The following MGMT variants were observed in gnomAD, a reference collection of about 807,000 sequenced individuals.
MGMT encodes the protein O-6-methylguanine-DNA methyltransferase.
Under a neutral mutation model 15.9 loss-of-function variants are expected in MGMT, and 14 were observed. The ratio of observed to expected loss-of-function variants is 0.88; its 90% CI spans 0.58 to 1.37. MGMT has a LOEUF of 1.37. Among genes scored for constraint, MGMT ranks in the 40% most tolerant of loss-of-function variants. The probability of loss-of-function intolerance (pLI) is 0.00; values close to 1 mark genes in which losing one functional copy is unlikely to be tolerated. For synonymous variants in MGMT, 130 were observed against 118.2 expected, an observed-to-expected ratio of 1.10 and a Z score of -0.65; for missense variants, 282 against 268.1, an observed-to-expected ratio of 1.05 and a Z score of -0.36.
chr10:129,605,936 T>G (rs906718373), intron 2 of MGMT, among the ~76,000 whole-genome samples: 1 of 152,090 alleles, frequency 6.6e-6, no homozygotes, highest in Non-Finnish European at 1.5e-5. Context: ...TTATTTATGC[T>G]CCAATGTTGC....
chr10:129,571,560 C>T (rs891257367), intron 2 of MGMT, among the ~76,000 whole-genome samples: 13 of 152,082 alleles, frequency 8.5e-5, no homozygotes, highest in African/African-American at 3.1e-4. Flanking sequence ...TCATTTTGTT[C>T]TGGTATGAAA....
At chr10:129,517,123 G>C (rs1466891901) in intron 1 of MGMT, among the ~76,000 whole-genome samples, 1 of 152,172 alleles carries the variant, frequency 6.6e-6, no homozygotes, top group African/African-American at 2.4e-5. Flanking sequence ...GAAGGCCTTA[G>C]GGACACCTTA....
intron 2 of MGMT, chr10:129,702,166 A>C (rs1054303432): frequency 2.0e-5 from 3 of 152,156 alleles, no homozygotes; most frequent in African/African-American, 7.2e-5. Context: ...CAGCCCCGGG[A>C]GCTTCTACCC....
At chr10:129,604,065 G>A (rs1846857222) in intron 2 of MGMT, among the ~76,000 whole-genome samples, 1 of 152,154 alleles carries the variant, frequency 6.6e-6, no homozygotes. Context: ...TACATTTGTA[G>A]CTTGATATTT....
intron 2 of MGMT, among the ~76,000 whole-genome samples, chr10:129,664,604 A>T (rs1847636237): frequency 6.6e-6 from 1 of 152,238 alleles, no homozygotes; most frequent in African/African-American, 2.4e-5. Context: ...TATTTTCAAA[A>T]TACCATGCAC....
intron 2 of MGMT, among the ~76,000 whole-genome samples, chr10:129,685,183 C>T (rs906599726): frequency 2.6e-5 from 4 of 152,172 alleles, no homozygotes; most frequent in African/African-American, 9.7e-5. Flanking sequence ...TTAAATATGC[C>T]ATATGTGTCA....
intron 2 of MGMT, among the ~76,000 whole-genome samples, chr10:129,557,994 A>G (rs1461536244): frequency 1.3e-5 from 2 of 152,174 alleles, no homozygotes; most frequent in African/African-American, 2.4e-5. Context: ...TTAACTGGCA[A>G]GTGGTCCTGA....
intron 2 of MGMT, among the ~76,000 whole-genome samples, chr10:129,555,750 A>C (rs1255746194): frequency 6.6e-6 from 1 of 152,132 alleles, no homozygotes; most frequent in Non-Finnish European, 1.5e-5. Flanking sequence ...AAGATCCTGT[A>C]AGTGAAGGGT....
At chr10:129,519,602 G>A (rs1227583637) in intron 1 of MGMT, among the ~76,000 whole-genome samples, 3 of 152,184 alleles carry the variant, frequency 2.0e-5, no homozygotes, top group South Asian at 2.1e-4. Flanking sequence ...TGGGAACACC[G>A]GGAGCCGCTG....
chr10:129,590,706 C>T (rs1341851559), intron 2 of MGMT, among the ~76,000 whole-genome samples: 1 of 152,178 alleles, frequency 6.6e-6, no homozygotes, highest in Non-Finnish European at 1.5e-5. Context: ...CATTTAAGAT[C>T]CAGCAAGATA....
intron 1 of MGMT, among the ~76,000 whole-genome samples, chr10:129,527,101 T>G (rs1845878962): frequency 6.6e-6 from 1 of 152,120 alleles, no homozygotes; most frequent in Admixed American, 6.6e-5. Flanking sequence ...GAGTGGGAAG[T>G]GGGGACATTA....
At chr10:129,536,522 C>T (rs1195805596) in intron 2 of MGMT, 145 bp downstream of exon 2, 4 of 1,056,576 alleles carry the variant, frequency 3.8e-6, no homozygotes, top group Non-Finnish European at 4.0e-6. Flanking sequence ...TCTCTCAAAA[C>T]AGTGTGCTGC....
chr10:129,696,239 G>A (rs1324131186), intron 2 of MGMT, among the ~76,000 whole-genome samples: 2 of 152,200 alleles, frequency 1.3e-5, no homozygotes, highest in African/African-American at 4.8e-5. Context: ...TACAGTTACA[G>A]CATGAAGGTG....
intron 2 of MGMT, among the ~76,000 whole-genome samples, chr10:129,697,274 A>G (rs751447998): frequency 1.3e-5 from 2 of 152,228 alleles, no homozygotes; most frequent in East Asian, 1.9e-4. Flanking sequence ...ATGCTATTCT[A>G]TGTAGAATAT....
intron 1 of MGMT, among the ~76,000 whole-genome samples, chr10:129,481,505 G>A (rs1378587043): frequency 2.0e-5 from 3 of 152,172 alleles, no homozygotes; most frequent in African/African-American, 2.4e-5. Flanking sequence ...TTTGTGTACC[G>A]TTAGCATTGT....
At chr10:129,755,297 GC>G (rs1848791993) in intron 3 of MGMT, among the ~76,000 whole-genome samples, 1 of 152,182 alleles carries the variant, frequency 6.6e-6, no homozygotes, top group Non-Finnish European at 1.5e-5. Context: ...TGTGACTTGT[GC>G]CAGGGACACC....
chr10:129,475,005 G>T lies in MGMT; in HGVS notation c.-13+7709G>T, dbSNP rs113389724. On this transcript the variant is annotated intron_variant, in intron 1 of 4. Coordinates refer to ENST00000651593, the MANE Select transcript of MGMT (RefSeq NM_002412.5). ...AGGTGAAGAGCCTGGCCTTTGTTGGGGGGGGTGTTGGGGAGCTTGGTAAGT... is the reference window on the plus strand; with the variant it reads ...AGGTGAAGAGCCTGGCCTTTGTTGGTGGGGGTGTTGGGGAGCTTGGTAAGT... Among the ~76,000 whole-genome samples, 1,068 of 152,256 alleles carry T rather than the reference G, an allele frequency of 7.0e-3. 13 individuals are homozygous for T. The highest frequency in any genetic ancestry group is 0.024 in the African/African-American group (1,010 of 41,524).
intron 2 of MGMT, among the ~76,000 whole-genome samples, chr10:129,668,817 G>T (rs1847688658): frequency 6.6e-6 from 1 of 151,996 alleles, no homozygotes; most frequent in Non-Finnish European, 1.5e-5. Flanking sequence ...ATGTAGAGAA[G>T]GTTTTTAGAA....
chr10:129,605,680 T>C (rs748177220), intron 2 of MGMT, among the ~76,000 whole-genome samples: 2 of 152,234 alleles, frequency 1.3e-5, no homozygotes, highest in African/African-American at 2.4e-5. Flanking sequence ...CCCTTGAATT[T>C]GATAAGTTCA....
Sources: gnomAD v4.1 joint callset for allele counts (sites outside exome capture counted in the v4.1 genomes callset) on GRCh38, gnomAD v4.1.1 for gene constraint, MANE v1.5 for transcripts, NCBI Gene and HGNC (gene_info 2026-07-23, HGNC 2026-07-21) for gene names.